Variants in GRM5 observed in about 807,000 individuals in gnomAD.
GRM5 encodes metabotropic glutamate receptor 5.
Under a neutral mutation model 83.1 loss-of-function variants are expected in GRM5, and 19 were observed. That is an observed-to-expected ratio of 0.23 (90% confidence interval 0.16 to 0.34). GRM5 has a LOEUF of 0.34. Among genes scored for constraint, GRM5 ranks in the 10% least tolerant of loss-of-function variants. GRM5 has a pLI of 1.00. For missense variants in GRM5, 1,160 were observed against 1,588.3 expected, an observed-to-expected ratio of 0.73 and a Z score of 4.58; for synonymous variants, 675 against 633.6, an observed-to-expected ratio of 1.07 and a Z score of -0.98.
chr11:88,963,194 AAAC>A (rs1471966799), intron 2 of GRM5, among the ~76,000 whole-genome samples: 1 of 152,240 alleles, frequency 6.6e-6, no homozygotes, highest in Non-Finnish European at 1.5e-5. Context: ...AAAACAAAGG[AAAC>A]ATTTCAGACA....
At position 89,047,079 on chromosome 11, in the gene GRM5, C is replaced by T; in HGVS notation, c.661+133G>A. The T allele has an allele frequency of 1.5e-6, 1 of 683,330 alleles. No homozygotes were observed. The highest frequency in any genetic ancestry group is 2.5e-6 in the Non-Finnish European group (1 of 399,670). 42.3% of individuals were successfully genotyped at this position (683,330 alleles called of 1,614,324 possible). Reference sequence around the variant, plus strand: ...CTAGATATATGCCATCCAGTCTGTTCTTATAGTACTGGTATAACTCGGACA... The same window carrying T: ...CTAGATATATGCCATCCAGTCTGTTTTTATAGTACTGGTATAACTCGGACA... On this transcript the variant is annotated intron_variant, in intron 2 of 9. Coordinates refer to ENST00000305447, the MANE Select transcript of GRM5 (RefSeq NM_001143831.3). The surrounding 1 kb of genome is among the most constrained non-coding windows in gnomAD (Gnocchi z 5.1).
At chr11:88,770,013 A>G (rs368745781) in intron 3 of GRM5, among the ~76,000 whole-genome samples, 4 of 152,074 alleles carry the variant, frequency 2.6e-5, no homozygotes, top group African/African-American at 9.7e-5. Flanking sequence ...AATCATGTTG[A>G]TAGTATACAC....
intron 4 of GRM5, among the ~76,000 whole-genome samples, chr11:88,646,408 A>T (rs1169683066): frequency 6.6e-6 from 1 of 152,062 alleles, no homozygotes; most frequent in Non-Finnish European, 1.5e-5. Flanking sequence ...TTAATAGTAT[A>T]TATTTCTGGA....
chr11:88,761,493 C>A (rs1942513745), intron 3 of GRM5, among the ~76,000 whole-genome samples: 1 of 151,836 alleles, frequency 6.6e-6, no homozygotes, highest in Non-Finnish European at 1.5e-5. Context: ...TACAGCTAAC[C>A]AGGAATGTGA....
At chr11:88,975,949 T>C (rs1203138644) in intron 2 of GRM5, among the ~76,000 whole-genome samples, 1 of 152,210 alleles carries the variant, frequency 6.6e-6, no homozygotes, top group Non-Finnish European at 1.5e-5. Flanking sequence ...GAATATAATG[T>C]GCCTAGCTTC....
At chr11:88,635,718 T>C (rs1168358296) in intron 4 of GRM5, among the ~76,000 whole-genome samples, 1 of 152,190 alleles carries the variant, frequency 6.6e-6, no homozygotes, top group African/African-American at 2.4e-5. Flanking sequence ...TTGTTTTCAT[T>C]GCTATGCATT....
Position 88,701,290 on chromosome 11 carries a change from C to T in GRM5, c.912-47887G>A, listed in dbSNP as rs187143073. ...TGGGGTGTCTTTTGGTACCTCCTTG[C>T]CATATCTTGACAGAAAATTGACAAG... is the stretch of plus-strand genomic sequence containing the variant. On this transcript the variant is annotated intron_variant, in intron 3 of 9. Transcript: ENST00000305447. Among the ~76,000 whole-genome samples, 451 of 152,194 alleles carry T rather than the reference C, an allele frequency of 3.0e-3. 1 individual carries two copies. The highest frequency in any genetic ancestry group is 0.01 in the African/African-American group (435 of 41,530).
intron 3 of GRM5, among the ~76,000 whole-genome samples, chr11:88,817,491 TG>T (rs1280803742): frequency 6.6e-6 from 1 of 152,140 alleles, no homozygotes; most frequent in East Asian, 1.9e-4. Flanking sequence ...ACTCAAAAAG[TG>T]TTAATATTTA....
chr11:88,663,588 A>T (rs555620853), intron 3 of GRM5, among the ~76,000 whole-genome samples: 23 of 152,260 alleles, frequency 1.5e-4, no homozygotes, highest in African/African-American at 5.1e-4. Flanking sequence ...TTTTTCATGA[A>T]GTTTCCTTTC....
intron 2 of GRM5, among the ~76,000 whole-genome samples, chr11:88,993,218 A>G (rs1940049617): frequency 7.5e-6 from 1 of 133,880 alleles, no homozygotes; most frequent in Non-Finnish European, 1.5e-5. Context: ...GTGAGCCGAG[A>G]TTGTGCCACT....
chr11:88,525,080 G>T (rs775781682), intron 9 of GRM5, among the ~76,000 whole-genome samples: 4 of 152,168 alleles, frequency 2.6e-5, no homozygotes, highest in Non-Finnish European at 5.9e-5. Context: ...CATGCAAAGC[G>T]CACAACCCTG....
chr11:88,795,594 T>A (rs1943261394), intron 3 of GRM5, among the ~76,000 whole-genome samples: 2 of 152,220 alleles, frequency 1.3e-5, no homozygotes, highest in Non-Finnish European at 2.9e-5. Flanking sequence ...TGAACAGATT[T>A]TTTAATGCAA....
chr11:88,517,879 AC>A (rs984906949), intron 9 of GRM5, among the ~76,000 whole-genome samples: 4 of 152,138 alleles, frequency 2.6e-5, no homozygotes, highest in African/African-American at 9.6e-5. Context: ...TGAATTATCT[AC>A]AAAAACTATA....
intron 3 of GRM5, among the ~76,000 whole-genome samples, chr11:88,695,623 TC>T (rs1337605272): frequency 6.6e-6 from 1 of 152,254 alleles, no homozygotes; most frequent in Non-Finnish European, 1.5e-5. Flanking sequence ...TTTGAATATT[TC>T]CTGGGGCTTT....
chr11:88,966,472 C>T (rs1938965786), intron 2 of GRM5, among the ~76,000 whole-genome samples: 1 of 152,036 alleles, frequency 6.6e-6, no homozygotes, highest in African/African-American at 2.4e-5. Flanking sequence ...TGAGAAAAGA[C>T]ATAAATACCA....
chr11:88,795,854 T>G (rs147516012), intron 3 of GRM5, among the ~76,000 whole-genome samples: 3 of 152,192 alleles, frequency 2.0e-5, no homozygotes, highest in Non-Finnish European at 4.4e-5. Context: ...AATAGTTGCA[T>G]ATGTCCCTAT....
chr11:88,744,582 C>A (rs147196429), intron 3 of GRM5, among the ~76,000 whole-genome samples: 1 of 152,154 alleles, frequency 6.6e-6, no homozygotes, highest in East Asian at 1.9e-4. Context: ...CCTACATGAA[C>A]CTTGAAAGGC....
rs982620470 is a variant in GRM5 at position 88,775,634 on chromosome 11, G to A, written c.911+74272C>T. The stretch of plus-strand genomic sequence containing the variant: ...AAATGTGTCCCAGAGATTCTGGTAT[G>A]TTGTGTCTTTGTTCTCATTGGTTTC... On this transcript the variant is annotated intron_variant, in intron 3 of 9. Transcript: ENST00000305447. 1.3e-4 allele frequency among the ~76,000 whole-genome samples: 20 copies of A among 152,162 alleles called. No individual in the cohort carries two copies. The South Asian group carries it at 3.1e-3, about 24-fold the overall frequency.
chr11:88,607,912 T>A lies in GRM5; in HGVS notation c.1148-2948A>T, dbSNP rs72639174. ...CAGTAACTGTATGATGGTCTGATAA[T>A]GTAACTTACTGAGATAGAGACTGGC... On this transcript the variant is annotated intron_variant, in intron 4 of 9. Coordinates refer to ENST00000305447, the MANE Select transcript of GRM5 (RefSeq NM_001143831.3). Among the ~76,000 whole-genome samples the A allele has an allele frequency of 0.011, 1,612 of 152,340 alleles. 48 individuals carry two copies. The East Asian group carries it at 0.12, about 11-fold the overall frequency.
Sources: gnomAD v4.1 joint callset for allele counts (sites outside exome capture counted in the v4.1 genomes callset) on GRCh38, gnomAD v4.1.1 for gene constraint, Gnocchi (gnomAD v3.1) non-coding constraint, MANE v1.5 for transcripts, NCBI Gene and HGNC (gene_info 2026-07-23, HGNC 2026-07-21) for gene names.